Variants in ATR observed in about 807,000 individuals in gnomAD.
ATR encodes ATR checkpoint kinase.
ATR carries 142 observed loss-of-function variants against 305.3 expected under a neutral mutation model. The observed-to-expected ratio is 0.47, with a 90% CI of 0.41 to 0.53. The LOEUF (loss-of-function observed/expected upper bound fraction) is 0.53, where lower values mean the gene tolerates loss of function less well. Among genes scored for constraint, ATR ranks in the 20% least tolerant of loss-of-function variants. ATR has a pLI of 0.00. For missense variants in ATR, 2,135 were observed against 3,133.1 expected, an observed-to-expected ratio of 0.68 and a Z score of 7.60; for synonymous variants, 1,050 against 1,068.1, an observed-to-expected ratio of 0.98 and a Z score of 0.33.
At chr3:142,467,231 C>T (rs2071150919) in intron 39 of ATR, among the ~76,000 whole-genome samples, 1 of 152,098 alleles carries the variant, frequency 6.6e-6, no homozygotes, top group Non-Finnish European at 1.5e-5. Flanking sequence ...TATAACCACC[C>T]CCACCTCCCA....
At chr3:142,508,143 TTA>T in intron 27 of ATR, 34 bp from the exon 28 acceptor site, 2 of 1,555,204 alleles carry the variant, frequency 1.3e-6, no homozygotes, top group South Asian at 1.2e-5. Context: ...AATTAAAGAC[TTA>T]TAAGATAAAA....
chr3:142,541,514 G>A (rs1226048303), intron 17 of ATR, among the ~76,000 whole-genome samples: 1 of 152,024 alleles, frequency 6.6e-6, no homozygotes, highest in Non-Finnish European at 1.5e-5. Flanking sequence ...AAGATGTCCT[G>A]AATTTAGTAA....
intron 35 of ATR, among the ~76,000 whole-genome samples, chr3:142,488,047 T>TG (rs2031053857): frequency 6.6e-6 from 1 of 152,228 alleles, no homozygotes; most frequent in Non-Finnish European, 1.5e-5. Flanking sequence ...TCAATGGGCC[T>TG]GTTTGCCCTC....
intron 30 of ATR, among the ~76,000 whole-genome samples, chr3:142,502,763 A>C (rs1018345577): frequency 4.6e-5 from 7 of 152,252 alleles, no homozygotes; most frequent in Non-Finnish European, 1.0e-4. Context: ...TGGTGAATAA[A>C]TCAAGGAATA....
At chr3:142,538,941 C>T (rs1019396116) in intron 18 of ATR, among the ~76,000 whole-genome samples, 3 of 151,944 alleles carry the variant, frequency 2.0e-5, no homozygotes, top group Middle Eastern at 3.4e-3. Context: ...CTGTAGAGGT[C>T]GAAATTGGAA....
At chr3:142,490,656 A>C (rs1335976465) in intron 35 of ATR, among the ~76,000 whole-genome samples, 2 of 152,126 alleles carry the variant, frequency 1.3e-5, no homozygotes, top group Non-Finnish European at 2.9e-5. Context: ...TAGATCTATA[A>C]TCTACTTTTT....
Position 142,536,202 on chromosome 3 carries a change from C to A in ATR, c.3726-1G>T. The A allele has an allele frequency of 6.5e-7, 1 of 1,549,920 alleles. No individual in the cohort carries two copies. The highest frequency in any genetic ancestry group is 8.9e-7 in the Non-Finnish European group (1 of 1,122,850). ...ATGAAGAAAATCTTGCACAGCATCC[C>A]TAATAGTTAGTTGGAATAAAAAGAA... On this transcript the variant is annotated splice_acceptor_variant, in intron 19 of 46. Coordinates refer to ENST00000350721, the MANE Select transcript of ATR (RefSeq NM_001184.4). LOFTEE classifies it high-confidence loss of function.
At chr3:142,532,598 G>A (rs2033698098) in intron 21 of ATR, among the ~76,000 whole-genome samples, 1 of 150,592 alleles carries the variant, frequency 6.6e-6, no homozygotes, top group Non-Finnish European at 1.5e-5. Context: ...CAGGGCTTTT[G>A]CAGGGTCATT....
intron 22 of ATR, among the ~76,000 whole-genome samples, chr3:142,523,619 A>G (rs1047203619): frequency 6.6e-6 from 1 of 152,196 alleles, no homozygotes; most frequent in Non-Finnish European, 1.5e-5. Context: ...ATTTTGTTCT[A>G]TATGGAGTTC....
intron 13 of ATR, among the ~76,000 whole-genome samples, chr3:142,551,093 A>G (rs2034455821): frequency 6.6e-6 from 1 of 152,160 alleles, no homozygotes; most frequent in African/African-American, 2.4e-5. Flanking sequence ...AGCCTTAACA[A>G]TAATTTTTTA....
At chr3:142,464,886 T>A (rs1341526768) in intron 41 of ATR, among the ~76,000 whole-genome samples, 1 of 152,186 alleles carries the variant, frequency 6.6e-6, no homozygotes, top group Non-Finnish European at 1.5e-5. Flanking sequence ...ATGTACATTT[T>A]ATCTCAATAA....
intron 42 of ATR, among the ~76,000 whole-genome samples, chr3:142,461,039 T>C (rs1043908424): frequency 7.9e-5 from 12 of 152,294 alleles, no homozygotes; most frequent in African/African-American, 2.9e-4. Flanking sequence ...TTACATTTAG[T>C]TGTCATCAAA....
intron 1 of ATR, among the ~76,000 whole-genome samples, chr3:142,572,847 C>G (rs113617142): frequency 0.018 from 2,724 of 152,210 alleles, 29 homozygotes; most frequent in South Asian, 0.041. Context: ...AAAAACAACT[C>G]TTCAATGAAT....
At chr3:142,481,083 C>G (rs572173860) in intron 36 of ATR, among the ~76,000 whole-genome samples, 1 of 152,248 alleles carries the variant, frequency 6.6e-6, no homozygotes, top group South Asian at 2.1e-4. Context: ...CGGTGCGCTG[C>G]ACCCACTGTC....
At chr3:142,570,202 T>C (rs2035215530) in intron 1 of ATR, among the ~76,000 whole-genome samples, 1 of 152,202 alleles carries the variant, frequency 6.6e-6, no homozygotes, top group African/African-American at 2.4e-5. Context: ...TTTGCAAATA[T>C]TTTCTCCAGT....
intron 16 of ATR, among the ~76,000 whole-genome samples, chr3:142,547,097 G>A (rs961653809): frequency 6.6e-6 from 1 of 152,072 alleles, no homozygotes; most frequent in African/African-American, 2.4e-5. Flanking sequence ...ACAAGAATAA[G>A]GGCAGTTGAA....
At chr3:142,497,331 C>T (rs995004771) in intron 32 of ATR, 139 bp from the exon 33 acceptor site, 1 of 829,122 alleles carries the variant, frequency 1.2e-6, no homozygotes. Context: ...TATATCCTTG[C>T]TAAGTAAATA....
intron 3 of ATR, among the ~76,000 whole-genome samples, chr3:142,564,844 C>T (rs899018076): frequency 6.6e-6 from 1 of 152,052 alleles, no homozygotes; most frequent in African/African-American, 2.4e-5. Flanking sequence ...CTCTGCCTCC[C>T]AGGCTAAAGC....
At position 142,519,770 on chromosome 3, in the gene ATR, A is replaced by T. The variant is rs374108762; in HGVS notation, c.4281T>A (p.Ile1427=). The T allele has an allele frequency of 4.3e-6, 7 of 1,609,342 alleles. No homozygotes were observed. In the African/African-American group the frequency reaches 9.4e-5, roughly 22 times the overall value. The change falls in exon 24 of 47, where the codon ATT becomes ATA. Residue 1427 remains isoleucine, a synonymous_variant. Coordinates refer to ENST00000350721, the MANE Select transcript of ATR (RefSeq NM_001184.4). ...TGGTCTCCATCTCTCTACAGTCATA[A>T]ATAGAAAGCAACTCCTACAAATACA... ...AAYAIQELLS[I]YDCREMETNG...
Sources: allele counts gnomAD v4.1 joint callset (sites outside exome capture counted in the v4.1 genomes callset), GRCh38; gene constraint gnomAD v4.1.1; transcripts MANE v1.5; gene names NCBI Gene and HGNC (gene_info 2026-07-23, HGNC 2026-07-21).